The following NEUROD1 variants were observed in gnomAD, a reference collection of about 807,000 sequenced individuals.
NEUROD1 encodes neuronal differentiation 1, also known as neurogenic differentiation factor 1.
NEUROD1 carries 9 observed loss-of-function variants against 21.8 expected under a neutral mutation model. That is an observed-to-expected ratio of 0.41 (90% confidence interval 0.25 to 0.72). The LOEUF is 0.72. Ranked by LOEUF, NEUROD1 falls within the 30% of genes least tolerant of loss-of-function variation. NEUROD1 has a pLI of 0.31. For synonymous variants in NEUROD1, 199 were observed against 186.2 expected, an observed-to-expected ratio of 1.07 and a Z score of -0.56; for missense variants, 434 against 468.8, an observed-to-expected ratio of 0.93 and a Z score of 0.69.
chr2:181,678,602 T>C lies in NEUROD1; in HGVS notation c.259A>G (p.Lys87Glu). Reference sequence around the variant, plus strand: ...CGAGCCTTAGTCATCTTCTTCTTTTTGGGGCCGCGTCTCTTGGGCTTTTGA... The same window carrying C: ...CGAGCCTTAGTCATCTTCTTCTTTTCGGGGCCGCGTCTCTTGGGCTTTTGA... Reference protein sequence around the residue: ...DDQKPKRRGPKKKKMTKARLE... With the variant: ...DDQKPKRRGPEKKKMTKARLE... The change falls in exon 2 of 2, where the codon AAA becomes GAA. Residue 87 changes from lysine (K) to glutamate (E), a missense_variant. Coordinates refer to ENST00000295108, the MANE Select transcript of NEUROD1 (RefSeq NM_002500.5). The surrounding 1 kb of genome is among the most constrained non-coding windows in gnomAD (Gnocchi z 5.5). 1 of 1,614,172 alleles carries C rather than the reference T, an allele frequency of 6.2e-7. No homozygotes were observed. The highest frequency in any genetic ancestry group is 8.5e-7 in the Non-Finnish European group (1 of 1,180,010).
In NEUROD1 at chr2:181,678,237, C is replaced by T. The variant is rs771969741; in HGVS notation, c.624G>A (p.Pro208=). 30 of 1,614,000 alleles carry T rather than the reference C, an allele frequency of 1.9e-5. No homozygotes were observed. In the Admixed American group the frequency reaches 5.0e-4, roughly 27 times the overall value. The part of the protein sequence containing the change: ...EQNQDMPPHL[P]TASASFPVHP... ...GTACAGGGAAGGAAGCGCTGGCCGT[C>T]GGCAGGTGGGGGGGCATGTCCTGGT... The change falls in exon 2 of 2, where the codon CCG becomes CCA. Residue 208 remains proline (P), a synonymous_variant. Transcript: ENST00000295108. The surrounding 1 kb of genome is among the most constrained non-coding windows in gnomAD (Gnocchi z 5.5).
At chr2:181,679,566 A>G (rs868447048) in intron 1 of NEUROD1, among the ~76,000 whole-genome samples, 1 of 152,036 alleles carries the variant, frequency 6.6e-6, no homozygotes, top group African/African-American at 2.4e-5. Flanking sequence ...CTAAATTTCC[A>G]CCTTGTACAA....
chr2:181,677,963 TAA>T lies in NEUROD1; in HGVS notation c.896_897del (p.Phe299TyrfsTer39). The stretch of plus-strand genomic sequence containing the variant: ...AGTGTCGCTGCAGGATAGTGCATGG[TAA>T]AGGCATAATTTTTCTCAAACTCGGC... ...PSAEFEKNYA[F>X]TMHYPAATLA... On this transcript the variant is annotated frameshift_variant, in exon 2 of 2. Coordinates refer to ENST00000295108, the MANE Select transcript of NEUROD1 (RefSeq NM_002500.5). LOFTEE classifies it high-confidence loss of function. 3.7e-6 allele frequency: 6 copies of T among 1,614,178 alleles called. No homozygotes were observed. The highest frequency in any genetic ancestry group is 5.1e-6 in the Non-Finnish European group (6 of 1,180,032).
Position 181,676,609 on chromosome 2 carries a change from T to C in NEUROD1, c.*1181A>G, listed in dbSNP as rs944949354. On this transcript the variant is annotated 3_prime_UTR_variant, in exon 2 of 2. Coordinates refer to ENST00000295108, the MANE Select transcript of NEUROD1 (RefSeq NM_002500.5). ...ATCACATCTCAAACAGCACTTATTC[T>C]GGACTGCATTTTACATGCAATAGCT... The C allele has an allele frequency of 6.6e-6, 1 of 152,636 alleles. No individual in the cohort carries two copies. The highest frequency in any genetic ancestry group is 2.4e-5 in the African/African-American group (1 of 41,466). 9.5% of individuals were successfully genotyped at this position (152,636 alleles called of 1,614,324 possible). A position where few individuals can be genotyped will look rare whatever the true frequency, so the allele number is the denominator to read the frequency against.
chr2:181,669,975 A>G (rs1428177752), downstream of NEUROD1, among the ~76,000 whole-genome samples: 3 of 152,210 alleles, frequency 2.0e-5, no homozygotes, highest in Non-Finnish European at 4.4e-5. Context: ...CCAAAAATAG[A>G]GACAGAATTT....
At chr2:181,674,428 A>G (rs561313449), downstream of NEUROD1, among the ~76,000 whole-genome samples, 73 of 152,340 alleles carry the variant, frequency 4.8e-4, no homozygotes, top group Non-Finnish European at 9.7e-4. Context: ...GCATTAGCCA[A>G]TTACAAAAAC....
chr2:181,678,656 C>T lies in NEUROD1; in HGVS notation c.205G>A (p.Glu69Lys), dbSNP rs891905487. Residue 69 changes from glutamate to lysine, a missense_variant, in exon 2 of 2, where the codon GAG (glutamate) becomes AAG (lysine). Coordinates refer to ENST00000295108, the MANE Select transcript of NEUROD1 (RefSeq NM_002500.5). The surrounding 1 kb of genome is among the most constrained non-coding windows in gnomAD (Gnocchi z 5.5). ...TCATCCTCCTCTTCCTCTTCTTCCT[C>T]CTCTTCCAGGTCCTCATCTTCGTCC... ...EEDEDEDLEE[E>K]EEEEEEDDDQ... is the part of the protein sequence containing the mutation. 1.9e-6 allele frequency: 3 copies of T among 1,613,164 alleles called. No individual in the cohort carries two copies. In the African/African-American group the frequency reaches 4.0e-5, roughly 22 times the overall value.
chr2:181,671,037 A>ATG (rs2105587006), exon 2 of NEUROD1, among the ~76,000 whole-genome samples: 1 of 146,872 alleles, frequency 6.8e-6, no homozygotes, highest in East Asian at 2.0e-4. Context: ...ACACACACAC[A>ATG]CACACACACA....
In NEUROD1 at chr2:181,677,993, A is replaced by G. The variant is rs754622413; in HGVS notation, c.868T>C (p.Ser290Pro). ...GCATAATTTTTCTCAAACTCGGCGG[A>G]CGGTTCGTGTTTGAAAGAGAAGTTG... ...NGNFSFKHEP[S>P]AEFEKNYAFT... The change falls in exon 2 of 2, where the codon TCC becomes CCC. Residue 290 changes from serine to proline, a missense_variant. Coordinates refer to ENST00000295108, the MANE Select transcript of NEUROD1 (RefSeq NM_002500.5). 6.2e-6 allele frequency: 10 copies of G among 1,614,168 alleles called. No homozygotes were observed. In the South Asian group the frequency reaches 1.1e-4, roughly 18 times the overall value.
At position 181,676,789 on chromosome 2, in the gene NEUROD1, T is replaced by C. The variant is rs1301899173; in HGVS notation, c.*1001A>G. The C allele has an allele frequency of 6.6e-6, 1 of 152,646 alleles. No homozygotes were observed. Among genetic ancestry groups the C allele is most frequent in the Non-Finnish European group, 1.5e-5 (1 of 68,022 alleles). 9.5% of individuals were successfully genotyped at this position (152,646 alleles called of 1,614,324 possible). A position where few individuals can be genotyped will look rare whatever the true frequency, so the allele number is the denominator to read the frequency against. ...ACAAACCACCATTTTTGTGACTATGTATAAAATCATGCATTTATATTTTCT... is the reference window on the plus strand; with the variant it reads ...ACAAACCACCATTTTTGTGACTATGCATAAAATCATGCATTTATATTTTCT... On this transcript the variant is annotated 3_prime_UTR_variant, in exon 2 of 2. Transcript: ENST00000295108.
At chr2:181,672,136 A>T (rs1183939944), downstream of NEUROD1, among the ~76,000 whole-genome samples, 1 of 152,240 alleles carries the variant, frequency 6.6e-6, no homozygotes, top group Non-Finnish European at 1.5e-5. Context: ...TTTTTCTTTT[A>T]TTCCAATTCC....
At position 181,677,557 on chromosome 2, in the gene NEUROD1, A is replaced by T. The variant is rs1688602582; in HGVS notation, c.*233T>A. On this transcript the variant is annotated 3_prime_UTR_variant, in exon 2 of 2. Coordinates refer to ENST00000295108, the MANE Select transcript of NEUROD1 (RefSeq NM_002500.5). ...TGGTGTATTTTTTAAACTTTACTGT[A>T]TTTTTTTATTTTTTAAATAGAAGAG... 1.6e-6 allele frequency: 1 copy of T among 633,700 alleles called. No individual in the cohort carries two copies. The highest frequency in any genetic ancestry group is 2.6e-6 in the Non-Finnish European group (1 of 391,812). The allele number at this position is 633,700 out of a possible 1,614,324, so 39.3% of individuals were successfully genotyped here.
downstream of NEUROD1, among the ~76,000 whole-genome samples, chr2:181,676,118 A>G (rs182626223): frequency 1.1e-4 from 16 of 152,296 alleles, no homozygotes; most frequent in East Asian, 3.1e-3. Context: ...ATTAAAATCC[A>G]CCTTTTAAAA....
exon 2 of NEUROD1, among the ~76,000 whole-genome samples, chr2:181,671,438 T>G (rs1362203413): frequency 6.7e-6 from 1 of 149,060 alleles, no homozygotes; most frequent in African/African-American, 2.5e-5. Flanking sequence ...TCTCAAATCA[T>G]TTTTTTTTTG....
downstream of NEUROD1, among the ~76,000 whole-genome samples, chr2:181,672,340 A>G (rs1181617537): frequency 6.6e-6 from 1 of 152,180 alleles, no homozygotes; most frequent in Admixed American, 6.5e-5. Context: ...TCCATTCTCA[A>G]CTGATTTGAC....
At chr2:181,673,816 T>A (rs1688529508), downstream of NEUROD1, among the ~76,000 whole-genome samples, 1 of 152,186 alleles carries the variant, frequency 6.6e-6, no homozygotes, top group South Asian at 2.1e-4. Context: ...TTTTAGTAAT[T>A]GCTAGCTTCT....
exon 2 of NEUROD1, among the ~76,000 whole-genome samples, chr2:181,671,232 T>C (rs1208787934): frequency 3.3e-5 from 5 of 152,134 alleles, no homozygotes. Context: ...AAAAATCTTA[T>C]GTTATTTTAA....
chr2:181,669,577 T>C (rs1688467441), downstream of NEUROD1, among the ~76,000 whole-genome samples: 2 of 152,244 alleles, frequency 1.3e-5, no homozygotes, highest in Admixed American at 1.3e-4. Flanking sequence ...TTTGTCTTAA[T>C]AAGTTAGCAT....
chr2:181,675,045 A>G (rs763178965), downstream of NEUROD1, among the ~76,000 whole-genome samples: 5 of 152,202 alleles, frequency 3.3e-5, no homozygotes, highest in Admixed American at 1.3e-4. Flanking sequence ...TACCTCCTAC[A>G]CTGGAAGGCT....
Sources: gnomAD v4.1 joint callset for allele counts (sites outside exome capture counted in the v4.1 genomes callset) on GRCh38, gnomAD v4.1.1 for gene constraint, Gnocchi (gnomAD v3.1) non-coding constraint, MANE v1.5 for transcripts, NCBI Gene and HGNC (gene_info 2026-07-23, HGNC 2026-07-21) for gene names.